TENM2: variants seen among roughly 807,000 people sequenced by gnomAD.
TENM2 encodes teneurin-2.
Under a neutral mutation model 245.2 loss-of-function variants are expected in TENM2, and 52 were observed. That is an observed-to-expected ratio of 0.21 (90% confidence interval 0.17 to 0.27). TENM2 has a LOEUF of 0.27. Ranked by LOEUF, TENM2 falls within the 10% of genes least tolerant of loss-of-function variation. The probability of loss-of-function intolerance (pLI) is 1.00; values close to 1 mark genes in which losing one functional copy is unlikely to be tolerated. For missense variants in TENM2, 3,046 were observed against 3,666.8 expected (o/e 0.83, Z 4.37); for synonymous variants, 1,363 against 1,438.9 (o/e 0.95, Z 1.19).
chr5:167,725,953 C>T (rs1254541113), intron 2 of TENM2, among the ~76,000 whole-genome samples: 6 of 152,138 alleles, frequency 3.9e-5, no homozygotes, highest in Middle Eastern at 3.2e-3. Context: ...CCACAAACCC[C>T]GCCCCCACAT....
At chr5:167,296,230 G>C (rs1004850408) in intron 1 of TENM2, 1 of 152,162 alleles carries the variant, frequency 6.6e-6, no homozygotes, top group African/African-American at 2.4e-5. Flanking sequence ...TGTTCACCCT[G>C]ATTTATGAAT....
the TENM2 span, among the ~76,000 whole-genome samples, chr5:167,175,910 G>A: frequency 6.6e-5 from 10 of 152,066 alleles, no homozygotes; most frequent in Admixed American, 3.3e-4. Context: ...GGGTTTCACC[G>A]TATTGGCGAG....
At chr5:168,163,937 C>T (rs1271311701) in intron 13 of TENM2, among the ~76,000 whole-genome samples, 1 of 152,086 alleles carries the variant, frequency 6.6e-6, no homozygotes, top group African/African-American at 2.4e-5. Context: ...TTTTCTCCAG[C>T]TAAGGTGTGG....
intron 20 of TENM2, among the ~76,000 whole-genome samples, chr5:168,213,211 G>A (rs573584674): frequency 6.6e-6 from 1 of 152,288 alleles, no homozygotes; most frequent in South Asian, 2.1e-4. Context: ...AATGAAACCA[G>A]GTAGTCTACG....
At chr5:167,761,303 A>G (rs1427835366) in intron 2 of TENM2, among the ~76,000 whole-genome samples, 4 of 152,170 alleles carry the variant, frequency 2.6e-5, no homozygotes, top group African/African-American at 7.2e-5. Flanking sequence ...ACCCATTAAC[A>G]TATAAGCTCA....
the TENM2 span, among the ~76,000 whole-genome samples, chr5:167,233,389 C>T: frequency 1.3e-5 from 2 of 152,064 alleles, no homozygotes; most frequent in African/African-American, 4.8e-5. Context: ...GTGTCTAAAA[C>T]TATCAAGCAG....
At chr5:167,922,436 C>T (rs1038014458) in intron 3 of TENM2, among the ~76,000 whole-genome samples, 1 of 152,160 alleles carries the variant, frequency 6.6e-6, no homozygotes, top group Non-Finnish European at 1.5e-5. Context: ...CAACCATGTT[C>T]CTTTTCTTTC....
intron 2 of TENM2, among the ~76,000 whole-genome samples, chr5:167,460,164 TTTAG>T (rs1231857021): frequency 6.6e-6 from 1 of 152,100 alleles, no homozygotes; most frequent in African/African-American, 2.4e-5. Flanking sequence ...AAGTTGAAAA[TTTAG>T]TTAGAGCCAC....
At position 168,156,302 on chromosome 5, in the gene TENM2, G is replaced by A. The variant is rs72835004; in HGVS notation, c.2423-6309G>A. Among the ~76,000 whole-genome samples, 537 of 140,336 alleles carry A rather than the reference G, an allele frequency of 3.8e-3. 1 individual carries two copies. The highest frequency in any genetic ancestry group is 5.9e-3 in the Non-Finnish European group (391 of 65,978). 92.1% of individuals were successfully genotyped at this position (140,336 alleles called of 152,430 possible). A position where few individuals can be genotyped will look rare whatever the true frequency, so the allele number is the denominator to read the frequency against. On this transcript the variant is annotated intron_variant, in intron 12 of 28. Coordinates refer to ENST00000518659, the Ensembl canonical transcript of TENM2. Reference sequence around the variant, plus strand: ...TTTTCACCTCAGTTTAACTTAGGATGTAAGTTCTCTCCTGATGGTCTCTTG... The same window carrying A: ...TTTTCACCTCAGTTTAACTTAGGATATAAGTTCTCTCCTGATGGTCTCTTG...
chr5:167,366,685 T>C (rs1760075210), intron 1 of TENM2, among the ~76,000 whole-genome samples: 1 of 152,138 alleles, frequency 6.6e-6, no homozygotes, highest in African/African-American at 2.4e-5. Context: ...GGGGAAACTA[T>C]ATAAAAGCAT....
At chr5:167,682,094 ATCCCTCCCTCCCTCCCTCCC>A (rs1210507799) in intron 2 of TENM2, among the ~76,000 whole-genome samples, 1 of 92,188 alleles carries the variant, frequency 1.1e-5, no homozygotes, top group Non-Finnish European at 2.5e-5. Flanking sequence ...TCCTTCCTCC[ATCCCTCCCTCCCTCCCTCCC>A]TCCCTCCCTC....
chr5:167,625,948 T>A (rs554272167), intron 2 of TENM2, among the ~76,000 whole-genome samples: 1 of 152,286 alleles, frequency 6.6e-6, no homozygotes, highest in South Asian at 2.1e-4. Flanking sequence ...ATAGCTTGCA[T>A]CCACCAAAGC....
At chr5:167,182,475 G>A in the TENM2 span, among the ~76,000 whole-genome samples, 11 of 151,998 alleles carry the variant, frequency 7.2e-5, no homozygotes, top group African/African-American at 1.2e-4. Context: ...AGGACTAATC[G>A]TGATTAGATG....
At chr5:167,858,430 T>C (rs57599895) in intron 2 of TENM2, among the ~76,000 whole-genome samples, 3,060 of 152,352 alleles carry the variant, frequency 0.02, 91 homozygotes, top group African/African-American at 0.069. Flanking sequence ...GGCACATCAT[T>C]GTATCACCTC....
At chr5:167,353,497 G>GTT (rs1462789214) in intron 1 of TENM2, among the ~76,000 whole-genome samples, 22 of 68,932 alleles carry the variant, frequency 3.2e-4, no homozygotes, top group Non-Finnish European at 5.0e-4. Context: ...TGTTGTTGTT[G>GTT]TTGTTTTTTT....
At chr5:167,205,904 A>C in the TENM2 span, among the ~76,000 whole-genome samples, 14 of 152,172 alleles carry the variant, frequency 9.2e-5, no homozygotes, top group African/African-American at 3.4e-4. Flanking sequence ...AGGCATATCA[A>C]ATTCTTCTCG....
At chr5:167,495,176 C>T (rs1311342068) in intron 2 of TENM2, among the ~76,000 whole-genome samples, 1 of 151,722 alleles carries the variant, frequency 6.6e-6, no homozygotes, top group Non-Finnish European at 1.5e-5. Flanking sequence ...AGTAAGAAAT[C>T]ATACTGTTTC....
At chr5:167,865,110 T>C (rs1471214070) in intron 2 of TENM2, among the ~76,000 whole-genome samples, 2 of 152,226 alleles carry the variant, frequency 1.3e-5, no homozygotes, top group African/African-American at 4.8e-5. Context: ...ATCTTCTGCA[T>C]ATTACTCAGC....
chr5:168,141,832 C>G (rs1238997728), intron 12 of TENM2, among the ~76,000 whole-genome samples: 2 of 152,200 alleles, frequency 1.3e-5, no homozygotes, highest in African/African-American at 2.4e-5. Flanking sequence ...TGAGGCTTCT[C>G]TGTATCTTCA....
Sources: gnomAD v4.1 joint callset for allele counts (sites outside exome capture counted in the v4.1 genomes callset) on GRCh38, gnomAD v4.1.1 for gene constraint, MANE v1.5 for transcripts, NCBI Gene and HGNC (gene_info 2026-07-23, HGNC 2026-07-21) for gene names.